Variants in LRRTM4 observed in about 807,000 individuals in gnomAD.
LRRTM4 encodes leucine rich repeat transmembrane neuronal 4.
In LRRTM4, 25 loss-of-function variants were observed where a neutral mutation model predicts 47.6. The observed-to-expected ratio is 0.53, with a 90% CI of 0.38 to 0.73. The LOEUF (loss-of-function observed/expected upper bound fraction) is 0.73. Among genes scored for constraint, LRRTM4 ranks in the 30% least tolerant of loss-of-function variants. The pLI is 0.00. For missense variants in LRRTM4, 638 were observed against 713.4 expected, an observed-to-expected ratio of 0.89 and a Z score of 1.20; for synonymous variants, 311 against 269.5, an observed-to-expected ratio of 1.15 and a Z score of -1.51.
intron 3 of LRRTM4, among the ~76,000 whole-genome samples, chr2:76,927,874 G>A (rs1378310942): frequency 6.6e-6 from 1 of 152,090 alleles, no homozygotes; most frequent in Non-Finnish European, 1.5e-5. Context: ...GATGTCAAGG[G>A]TTAAATCAAG....
At chr2:77,469,953 T>C (rs1677123790) in intron 3 of LRRTM4, among the ~76,000 whole-genome samples, 1 of 152,170 alleles carries the variant, frequency 6.6e-6, no homozygotes, top group Non-Finnish European at 1.5e-5. Context: ...ACTTTTTATT[T>C]ATAAAAGTGC....
chr2:77,180,165 T>C (rs539080306), intron 3 of LRRTM4, among the ~76,000 whole-genome samples: 2 of 152,276 alleles, frequency 1.3e-5, no homozygotes, highest in East Asian at 1.9e-4. Context: ...TCTGGGAACC[T>C]TGATGGACTA....
intron 3 of LRRTM4, among the ~76,000 whole-genome samples, chr2:76,816,734 G>A (rs72815476): frequency 0.079 from 11,738 of 149,158 alleles, 792 homozygotes; most frequent in East Asian, 0.2. Context: ...AAAGCTCCTC[G>A]AGCCTACCTT....
chr2:77,452,267 G>A (rs951914399), intron 3 of LRRTM4, among the ~76,000 whole-genome samples: 26 of 152,198 alleles, frequency 1.7e-4, no homozygotes, highest in African/African-American at 5.8e-4. Flanking sequence ...GCATGCAATA[G>A]GGTGACAGCC....
intron 3 of LRRTM4, among the ~76,000 whole-genome samples, chr2:76,795,865 C>T (rs543913441): frequency 5.9e-4 from 90 of 152,116 alleles, no homozygotes; most frequent in South Asian, 8.3e-4. Flanking sequence ...GCGTGAGCGA[C>T]GCAGAAGACG....
intron 3 of LRRTM4, among the ~76,000 whole-genome samples, chr2:77,441,303 A>G (rs1675833022): frequency 1.3e-5 from 2 of 152,212 alleles, no homozygotes; most frequent in East Asian, 3.9e-4. Context: ...ACAGTAACTC[A>G]TCTTTGAAGA....
intron 3 of LRRTM4, among the ~76,000 whole-genome samples, chr2:77,318,479 T>C (rs372172422): frequency 1.3e-5 from 2 of 152,164 alleles, no homozygotes; most frequent in Non-Finnish European, 2.9e-5. Context: ...AAAACTTTCA[T>C]AGAACTGCTG....
At chr2:77,488,821 A>G (rs533444203) in intron 3 of LRRTM4, among the ~76,000 whole-genome samples, 1 of 152,122 alleles carries the variant, frequency 6.6e-6, no homozygotes, top group South Asian at 2.1e-4. Context: ...GCACTGAACT[A>G]TTTGGTATAG....
rs1241830198 is a variant in LRRTM4 at position 77,407,696 on chromosome 2, G to GAT, written c.1551+110620_1551+110621dup. Among the ~76,000 whole-genome samples the GAT allele has an allele frequency of 8.3e-5, 10 of 120,226 alleles. No individual in the cohort carries two copies. In the South Asian group the frequency reaches 2.2e-3, roughly 27 times the overall value. The allele number at this position is 120,226 out of a possible 152,430, so 78.9% of individuals were successfully genotyped here. A position where few individuals can be genotyped will look rare whatever the true frequency, so the allele number is the denominator to read the frequency against. On this transcript the variant is annotated intron_variant, in intron 3 of 3. Coordinates refer to ENST00000409884, the MANE Select transcript of LRRTM4 (RefSeq NM_001134745.3). ...TTATATAATATTTAATATAATATAT[G>GAT]ATATATATAATATATCATATATTAT...
intron 3 of LRRTM4, among the ~76,000 whole-genome samples, chr2:77,051,872 C>T (rs1900342): frequency 6.6e-6 from 1 of 151,982 alleles, no homozygotes. Flanking sequence ...GTGGAAGCAT[C>T]TATGTAAATC....
intron 3 of LRRTM4, among the ~76,000 whole-genome samples, chr2:77,043,151 T>C (rs1679094007): frequency 6.6e-6 from 1 of 151,804 alleles, no homozygotes; most frequent in African/African-American, 2.4e-5. Flanking sequence ...TTTGTACGTA[T>C]CTTTCATTGT....
rs1476967329 is a variant in LRRTM4 at position 76,748,204 on chromosome 2, CA to C, written c.*490del. ...TTAAAACAAACAAAACAAGAACAAA[CA>C]GCATTTTTAAAGAAAAAATAAATGA... On this transcript the variant is annotated 3_prime_UTR_variant, in exon 4 of 4. Coordinates refer to ENST00000409884, the MANE Select transcript of LRRTM4 (RefSeq NM_001134745.3). The C allele has an allele frequency of 6.5e-6, 1 of 153,342 alleles. No homozygotes were observed. The highest frequency in any genetic ancestry group is 1.4e-5 in the Non-Finnish European group (1 of 68,984). The allele number at this position is 153,342 out of a possible 1,614,324, so 9.5% of individuals were successfully genotyped here.
At chr2:77,059,886 G>A (rs1679730703) in intron 3 of LRRTM4, among the ~76,000 whole-genome samples, 1 of 152,110 alleles carries the variant, frequency 6.6e-6, no homozygotes, top group African/African-American at 2.4e-5. Context: ...AAGAGCAGCA[G>A]GCTTATTTAT....
At chr2:77,094,400 G>T (rs1670749630) in intron 3 of LRRTM4, among the ~76,000 whole-genome samples, 1 of 151,812 alleles carries the variant, frequency 6.6e-6, no homozygotes, top group African/African-American at 2.4e-5. Context: ...CAAAATTCTA[G>T]TATTTTTTTA....
intron 3 of LRRTM4, among the ~76,000 whole-genome samples, chr2:77,168,079 G>C (rs1220773702): frequency 6.6e-6 from 1 of 151,864 alleles, no homozygotes; most frequent in Non-Finnish European, 1.5e-5. Context: ...CCTTACTTTG[G>C]GTGTTTGTGT....
At chr2:77,174,476 G>T (rs535336269) in intron 3 of LRRTM4, among the ~76,000 whole-genome samples, 1 of 152,210 alleles carries the variant, frequency 6.6e-6, no homozygotes, top group African/African-American at 2.4e-5. Flanking sequence ...GTGTAGCAGG[G>T]GCCTCTGTGT....
rs1359697199 is a variant in LRRTM4 at position 76,968,381 on chromosome 2, T to TACAC, written c.1552-219466_1552-219465insGTGT. ...ATATATATATATATATATATATATA[T>TACAC]ATACACATACATACATACATATATA... On this transcript the variant is annotated intron_variant, in intron 3 of 3. Coordinates refer to ENST00000409884, the MANE Select transcript of LRRTM4 (RefSeq NM_001134745.3). Among the ~76,000 whole-genome samples, 251 of 116,206 alleles carry TACAC rather than the reference T, an allele frequency of 2.2e-3. 4 individuals are homozygous for TACAC. Among genetic ancestry groups the TACAC allele is most frequent in the African/African-American group, 6.2e-3 (189 of 30,674 alleles). The allele number at this position is 116,206 out of a possible 152,430, so 76.2% of individuals were successfully genotyped here. A position where few individuals can be genotyped will look rare whatever the true frequency, so the allele number is the denominator to read the frequency against.
intron 3 of LRRTM4, among the ~76,000 whole-genome samples, chr2:77,253,743 A>G (rs1675685237): frequency 6.6e-6 from 1 of 152,118 alleles, no homozygotes; most frequent in African/African-American, 2.4e-5. Flanking sequence ...TAGAATATAT[A>G]AAAAAGAATA....
chr2:76,798,384 G>A (rs1325673084), intron 3 of LRRTM4, among the ~76,000 whole-genome samples: 3 of 151,612 alleles, frequency 2.0e-5, no homozygotes, highest in Non-Finnish European at 2.9e-5. Flanking sequence ...CACAAATAAG[G>A]ATGTTCTTTG....
Sources: allele counts gnomAD v4.1 joint callset (sites outside exome capture counted in the v4.1 genomes callset), GRCh38; gene constraint gnomAD v4.1.1; transcripts MANE v1.5; gene names NCBI Gene and HGNC (gene_info 2026-07-23, HGNC 2026-07-21).